SPEF2: variants seen among roughly 807,000 people sequenced by gnomAD.
The protein encoded by SPEF2 is sperm flagellar and cilia associated 2.
A neutral mutation model predicts 224.6 loss-of-function variants in SPEF2; 187 were observed. The observed-to-expected ratio is 0.83, with a 90% CI of 0.74 to 0.94. The LOEUF (loss-of-function observed/expected upper bound fraction) is 0.94, where lower values mean the gene tolerates loss of function less well. Ranked by LOEUF, SPEF2 falls within the 40% of genes least tolerant of loss-of-function variation. SPEF2 has a pLI of 0.00. For missense variants in SPEF2, 2,170 were observed against 2,135.6 expected (o/e 1.02, Z -0.32); for synonymous variants, 715 against 707.3 (o/e 1.01, Z -0.17).
chr5:35,778,717 C>A (rs1247561890), intron 29 of SPEF2, among the ~76,000 whole-genome samples: 1 of 152,108 alleles, frequency 6.6e-6, no homozygotes, highest in Non-Finnish European at 1.5e-5. Flanking sequence ...AAATGTAATT[C>A]TAATAGTCAT....
At chr5:35,721,037 C>G (rs1165207434) in intron 20 of SPEF2, among the ~76,000 whole-genome samples, 1 of 152,122 alleles carries the variant, frequency 6.6e-6, no homozygotes, top group Non-Finnish European at 1.5e-5. Context: ...CAAATTTTGC[C>G]AAAGAGCAGA....
intron 24 of SPEF2, 53 bp downstream of exon 24, chr5:35,753,814 C>G: frequency 6.2e-7 from 1 of 1,607,338 alleles, no homozygotes; most frequent in South Asian, 1.1e-5. Flanking sequence ...AGCCTCATTC[C>G]TCAGTCCTTC....
In SPEF2 at chr5:35,695,470, G is replaced by A. The variant is rs149533380; in HGVS notation, c.1976-265G>A. Among the ~76,000 whole-genome samples the A allele has an allele frequency of 3.2e-3, 483 of 152,062 alleles. 3 individuals are homozygous for A. Among genetic ancestry groups the A allele is most frequent in the African/African-American group, 0.011 (461 of 41,464 alleles). ...AGTATTCCTAATGATATTTTTATGA[G>A]CTCAGATCATGCAGGAAGGGAGCAG... On this transcript the variant is annotated intron_variant, in intron 13 of 36. Coordinates refer to ENST00000356031, the MANE Select transcript of SPEF2 (RefSeq NM_024867.4).
At chr5:35,804,009 A>C (rs972324726) in intron 34 of SPEF2, among the ~76,000 whole-genome samples, 9 of 152,222 alleles carry the variant, frequency 5.9e-5, no homozygotes, top group African/African-American at 2.2e-4. Flanking sequence ...TCGTTCTGCC[A>C]CCTGTGTGGC....
intron 21 of SPEF2, among the ~76,000 whole-genome samples, chr5:35,730,196 A>G (rs1745411053): frequency 6.6e-6 from 1 of 152,236 alleles, no homozygotes; most frequent in Admixed American, 6.5e-5. Context: ...GCTTCCATAT[A>G]GCATTCAGGT....
intron 10 of SPEF2, among the ~76,000 whole-genome samples, chr5:35,688,837 C>T (rs970785310): frequency 6.6e-6 from 1 of 152,124 alleles, no homozygotes. Flanking sequence ...ACAGTATATG[C>T]TACATAGTAT....
chr5:35,751,066 T>TAG (rs70973059), intron 23 of SPEF2, among the ~76,000 whole-genome samples: 1 of 32,526 alleles, frequency 3.1e-5, no homozygotes, highest in Non-Finnish European at 6.0e-5. Context: ...CGTATATATA[T>TAG]GTATATATAT....
intron 18 of SPEF2, among the ~76,000 whole-genome samples, chr5:35,706,221 A>G (rs1430775299): frequency 6.6e-6 from 1 of 151,936 alleles, no homozygotes; most frequent in Non-Finnish European, 1.5e-5. Context: ...TAGCTTTAGC[A>G]TTATAAAGAA....
rs909399452 is a variant in SPEF2 at position 35,769,060 on chromosome 5, G to A, written c.3802-2549G>A. Among the ~76,000 whole-genome samples, 8 of 152,108 alleles carry A rather than the reference G, an allele frequency of 5.3e-5. No individual in the cohort carries two copies. The East Asian group carries it at 1.4e-3, about 26-fold the overall frequency. On this transcript the variant is annotated intron_variant, in intron 26 of 36. Coordinates refer to ENST00000356031, the MANE Select transcript of SPEF2 (RefSeq NM_024867.4). ...TCTCTCCAGCTTTATAAGCTAGATT[G>A]CTGAATGAATTGGGAATTACATTAA...
chr5:35,643,054 G>A (rs751048312), intron 3 of SPEF2, among the ~76,000 whole-genome samples: 26 of 152,170 alleles, frequency 1.7e-4, no homozygotes, highest in Non-Finnish European at 1.5e-5. Context: ...GTTCAGAATT[G>A]GATGTTTTTG....
At chr5:35,786,209 T>G (rs577644066) in intron 30 of SPEF2, among the ~76,000 whole-genome samples, 2 of 152,346 alleles carry the variant, frequency 1.3e-5, no homozygotes, top group Non-Finnish European at 2.9e-5. Flanking sequence ...GCAACTGGCC[T>G]AATACGGAAG....
intron 2 of SPEF2, among the ~76,000 whole-genome samples, chr5:35,640,986 TTGTC>T (rs1322406226): frequency 6.6e-6 from 1 of 152,174 alleles, no homozygotes; most frequent in Admixed American, 6.6e-5. Flanking sequence ...TATACACGCT[TTGTC>T]TGTATGTATA....
intron 26 of SPEF2, among the ~76,000 whole-genome samples, chr5:35,767,256 G>T (rs1459443520): frequency 6.6e-6 from 1 of 151,946 alleles, no homozygotes; most frequent in African/African-American, 2.4e-5. Flanking sequence ...CTGGTGGAAT[G>T]AACCTTTTCT....
At chr5:35,658,936 T>G (rs1749322904) in intron 7 of SPEF2, 83 bp from the exon 8 acceptor site, 1 of 1,044,986 alleles carries the variant, frequency 9.6e-7, no homozygotes, top group Non-Finnish European at 1.3e-6. Context: ...TTATGCCTTT[T>G]GTATATTGTT....
intron 30 of SPEF2, among the ~76,000 whole-genome samples, chr5:35,780,114 C>A (rs746414909): frequency 6.6e-6 from 1 of 152,156 alleles, no homozygotes; most frequent in Non-Finnish European, 1.5e-5. Flanking sequence ...CTCTGCAGAT[C>A]CAAAGTTCTT....
At chr5:35,622,948 A>T (rs1743733334) in intron 1 of SPEF2, among the ~76,000 whole-genome samples, 1 of 152,194 alleles carries the variant, frequency 6.6e-6, no homozygotes, top group African/African-American at 2.4e-5. Flanking sequence ...CAAAGGATAA[A>T]ATTGTGAAGA....
At chr5:35,692,146 C>A (rs925581265) in intron 11 of SPEF2, among the ~76,000 whole-genome samples, 50 of 152,168 alleles carry the variant, frequency 3.3e-4, no homozygotes, top group African/African-American at 1.2e-3. Context: ...TGTGGTAGCT[C>A]ATGCTTGTAA....
chr5:35,741,957 T>C (rs1747717942), intron 23 of SPEF2, among the ~76,000 whole-genome samples: 1 of 152,224 alleles, frequency 6.6e-6, no homozygotes, highest in African/African-American at 2.4e-5. Flanking sequence ...ATTTCCTTTT[T>C]CCTAATTCCA....
At chr5:35,785,402 A>T (rs1754956804) in intron 30 of SPEF2, among the ~76,000 whole-genome samples, 1 of 152,234 alleles carries the variant, frequency 6.6e-6, no homozygotes, top group Non-Finnish European at 1.5e-5. Context: ...ATGAAAGTAT[A>T]TACTCAGAAT....
Sources: allele counts gnomAD v4.1 joint callset (sites outside exome capture counted in the v4.1 genomes callset), GRCh38; gene constraint gnomAD v4.1.1; transcripts MANE v1.5; gene names NCBI Gene and HGNC (gene_info 2026-07-23, HGNC 2026-07-21).